Variants in PCMTD2 observed in about 807,000 individuals in gnomAD.
PCMTD2 encodes the protein protein-L-isoaspartate (D-aspartate) O-methyltransferase domain containing 2.
A neutral mutation model predicts 33.4 loss-of-function variants in PCMTD2; 16 were observed. That is an observed-to-expected ratio of 0.48 (90% confidence interval 0.32 to 0.73). PCMTD2 has a LOEUF of 0.73. PCMTD2 is among the 30% of genes least tolerant of loss of function. The pLI is 0.03. For missense variants in PCMTD2, 374 were observed against 449.9 expected (o/e 0.83, Z 1.53); for synonymous variants, 161 against 160.8 (o/e 1.00, Z -0.01).
chr20:64,260,450 A>G (rs6062681), intron 2 of PCMTD2, among the ~76,000 whole-genome samples, 178 bp downstream of exon 2: 65,446 of 151,984 alleles, frequency 0.43, 14,655 homozygotes, highest in Middle Eastern at 0.49. Flanking sequence ...GAAGGCCTGC[A>G]TGCATCTCAT....
chr20:64,259,873 T>G, intron 1 of PCMTD2, 69 bp from the exon 2 acceptor site: 1 of 759,476 alleles, frequency 1.3e-6, no homozygotes, highest in Non-Finnish European at 2.2e-6. Flanking sequence ...TTGGTATCTG[T>G]TTAGAACTTC....
chr20:64,259,823 C>T, intron 1 of PCMTD2, 119 bp from the exon 2 acceptor site: 2 of 596,714 alleles, frequency 3.4e-6, no homozygotes, highest in South Asian at 4.4e-5. Context: ...TGGGTGTTGA[C>T]AAAAGATAAT....
chr20:64,269,723 G>A (rs1985806603), intron 5 of PCMTD2, among the ~76,000 whole-genome samples: 1 of 150,864 alleles, frequency 6.6e-6, no homozygotes, highest in Non-Finnish European at 1.5e-5. Flanking sequence ...GTGGGGTCGT[G>A]AGAGTGCGGA....
rs1282462728 is a variant in PCMTD2 at position 64,273,910 on chromosome 20, CG to C, written c.*311del. 1.3e-5 allele frequency: 3 copies of C among 239,982 alleles called. No individual in the cohort carries two copies. Among genetic ancestry groups the C allele is most frequent in the Non-Finnish European group, 2.4e-5 (3 of 124,982 alleles). 14.9% of individuals were successfully genotyped at this position (239,982 alleles called of 1,614,324 possible). A position where few individuals can be genotyped will look rare whatever the true frequency, so the allele number is the denominator to read the frequency against. ...GGCTCTGACGAAACACTGAAGTCTGCGTAAGAGAGACTGTTTGATGACCGTC... is the reference window on the plus strand; with the variant it reads ...GGCTCTGACGAAACACTGAAGTCTGCTAAGAGAGACTGTTTGATGACCGTC... On this transcript the variant is annotated 3_prime_UTR_variant, in exon 6 of 6. Coordinates refer to ENST00000308824, the MANE Select transcript of PCMTD2 (RefSeq NM_018257.3).
rs372047375 is a variant in PCMTD2 at position 64,264,485 on chromosome 20, A to G, written c.364A>G (p.Lys122Glu). 1.1e-5 allele frequency: 18 copies of G among 1,606,706 alleles called. 1 individual carries two copies. The African/African-American group carries it at 1.9e-4, about 17-fold the overall frequency. Residue 122 changes from lysine to glutamate, a missense_variant, in exon 3 of 6, where the codon AAG becomes GAG. By Grantham distance (56) the Lys-to-Glu change is moderately conservative. Coordinates refer to ENST00000308824, the MANE Select transcript of PCMTD2 (RefSeq NM_018257.3). Reference protein sequence around the residue: ...ELHSDVIEYAKQKLDFFIRTS... With the variant: ...ELHSDVIEYAEQKLDFFIRTS... ...TCACTCAGATGTGATAGAGTATGCAAAGCAGAAACTGGACTTCTTCATCAG... is the reference window on the plus strand; with the variant it reads ...TCACTCAGATGTGATAGAGTATGCAGAGCAGAAACTGGACTTCTTCATCAG...
At chr20:64,261,854 G>A (rs1380669968) in intron 2 of PCMTD2, among the ~76,000 whole-genome samples, 1 of 152,102 alleles carries the variant, frequency 6.6e-6, no homozygotes, top group African/African-American at 2.4e-5. Context: ...GAAAAATAGG[G>A]GCTATAGCTA....
At chr20:64,270,813 C>G (rs367955404) in intron 5 of PCMTD2, among the ~76,000 whole-genome samples, 1 of 76,264 alleles carries the variant, frequency 1.3e-5, no homozygotes, top group Non-Finnish European at 2.5e-5. Flanking sequence ...GTGAGGTGTT[C>G]GTTGTGATAC....
intron 5 of PCMTD2, among the ~76,000 whole-genome samples, 200 bp downstream of exon 5, chr20:64,268,210 G>A (rs980297684): frequency 2.7e-5 from 3 of 109,432 alleles, no homozygotes; most frequent in East Asian, 3.9e-4. Context: ...AATTTTAGCC[G>A]TCTTTTAAAT....
At chr20:64,273,176 G>T in intron 5 of PCMTD2, 45 bp from the exon 6 acceptor site, 1 of 1,551,268 alleles carries the variant, frequency 6.4e-7, no homozygotes, top group South Asian at 1.2e-5. Context: ...TTGTGGTGGT[G>T]TCACTCCGAT....
At chr20:64,265,457 C>G in intron 4 of PCMTD2, 28 bp downstream of exon 4, 1 of 1,563,754 alleles carries the variant, frequency 6.4e-7, no homozygotes, top group African/African-American at 1.4e-5. Context: ...ACTGACATTT[C>G]TGCACACTGT....
rs11697199 is a variant in PCMTD2 at position 64,270,856 on chromosome 20, C to T, written c.707-2365C>T. On this transcript the variant is annotated intron_variant, in intron 5 of 5. Coordinates refer to ENST00000308824, the MANE Select transcript of PCMTD2 (RefSeq NM_018257.3). ...GGTACAGTCCTTCTGAGGAAGGGCA[C>T]GTGAGGTGTTCGTTGTGATACGTAC... is the stretch of plus-strand genomic sequence containing the variant. Among the ~76,000 whole-genome samples, 143 of 16,626 alleles carry T rather than the reference C, an allele frequency of 8.6e-3. 9 individuals carry two copies. The highest frequency in any genetic ancestry group is 0.058 in the African/African-American group (102 of 1,754). 10.9% of individuals were successfully genotyped at this position (16,626 alleles called of 152,430 possible).
At chr20:64,269,801 TG>T (rs1568736681) in intron 5 of PCMTD2, among the ~76,000 whole-genome samples, 1 of 147,612 alleles carries the variant, frequency 6.8e-6, no homozygotes, top group East Asian at 2.0e-4. Flanking sequence ...GTGTGCGCGG[TG>T]TGGGGTCATG....
chr20:64,256,276 T>C (rs1985162384), intron 1 of PCMTD2, among the ~76,000 whole-genome samples: 1 of 152,084 alleles, frequency 6.6e-6, no homozygotes, highest in African/African-American at 2.4e-5. Flanking sequence ...AAAAAATAAT[T>C]GCGCCCCCCC....
At chr20:64,270,523 T>TG (rs1267855935) in intron 5 of PCMTD2, among the ~76,000 whole-genome samples, 4 of 151,866 alleles carry the variant, frequency 2.6e-5, no homozygotes, top group South Asian at 4.1e-4. Context: ...GTGCACGATG[T>TG]GGGGTCTTGT....
chr20:64,265,465 T>A, intron 4 of PCMTD2, 36 bp downstream of exon 4: 2 of 1,528,674 alleles, frequency 1.3e-6, no homozygotes, highest in Non-Finnish European at 9.0e-7. Flanking sequence ...TTCTGCACAC[T>A]GTGTGCCAAG....
At chr20:64,266,737 T>C (rs1277229161) in intron 4 of PCMTD2, among the ~76,000 whole-genome samples, 1 of 152,254 alleles carries the variant, frequency 6.6e-6, no homozygotes, top group Non-Finnish European at 1.5e-5. Context: ...TTTGTTGCTA[T>C]ACAAAATGCA....
In PCMTD2 at chr20:64,273,245, A is replaced by G. The variant is rs534038749; in HGVS notation, c.731A>G (p.Gln244Arg). 4 of 1,614,048 alleles carry G rather than the reference A, an allele frequency of 2.5e-6. No individual in the cohort carries two copies. The South Asian group carries it at 3.3e-5, about 13-fold the overall frequency. ...QLPPVAVRSLQDLARIAIRGT... is the reference protein window; with the variant it reads ...QLPPVAVRSLRDLARIAIRGT... ...GCACCAGTGGCAGTTCGCAGCCTCC[A>G]GGACTTGGCTCGCATCGCCATCCGG... The change falls in exon 6 of 6, where the codon CAG becomes CGG. Residue 244 changes from glutamine to arginine, a missense_variant. By Grantham distance (43) the Gln-to-Arg change is conservative. Transcript: ENST00000308824.
intron 2 of PCMTD2, among the ~76,000 whole-genome samples, chr20:64,263,715 C>T (rs889315693): frequency 2.0e-5 from 3 of 152,178 alleles, no homozygotes; most frequent in Non-Finnish European, 4.4e-5. Flanking sequence ...GCCCCCTCCT[C>T]CTCCTAGAAA....
chr20:64,259,598 C>T (rs761823027), intron 1 of PCMTD2, among the ~76,000 whole-genome samples: 5 of 152,082 alleles, frequency 3.3e-5, no homozygotes, highest in Non-Finnish European at 7.4e-5. Context: ...CCATGTTGGC[C>T]AGGCTGTTCT....
Sources: gnomAD v4.1 joint callset for allele counts (sites outside exome capture counted in the v4.1 genomes callset) on GRCh38, gnomAD v4.1.1 for gene constraint, MANE v1.5 for transcripts, NCBI Gene and HGNC (gene_info 2026-07-23, HGNC 2026-07-21) for gene names.